The following RUNX1 variants were observed in gnomAD, a reference collection of about 807,000 sequenced individuals.
RUNX1 encodes runt-related transcription factor 1.
A neutral mutation model predicts 42.8 loss-of-function variants in RUNX1; 19 were observed. The ratio of observed to expected loss-of-function variants is 0.44; its 90% CI spans 0.31 to 0.65. RUNX1 has a LOEUF of 0.65. RUNX1 is among the 30% of genes least tolerant of loss of function. RUNX1 has a pLI of 0.07. For synonymous variants in RUNX1, 271 were observed against 289.4 expected (o/e 0.94, Z 0.64); for missense variants, 528 against 672.0 (o/e 0.79, Z 2.37).
chr21:34,873,192 C>G (rs1026818621), intron 5 of RUNX1, among the ~76,000 whole-genome samples: 6 of 152,244 alleles, frequency 3.9e-5, no homozygotes, highest in African/African-American at 1.4e-4. Flanking sequence ...CTTGAGCAAA[C>G]TGGAGTGTTT....
chr21:34,823,430 GTTTTTTTTTTTTTT>G (rs56957776), intron 7 of RUNX1, among the ~76,000 whole-genome samples: 72 of 99,660 alleles, frequency 7.2e-4, no homozygotes, highest in Admixed American at 1.5e-3. Context: ...TTCCTGGTGG[GTTTTTTTTTTTTTT>G]TTTTTTTTTT....
chr21:34,984,420 A>G (rs2058869573), intron 2 of RUNX1, among the ~76,000 whole-genome samples: 2 of 132,302 alleles, frequency 1.5e-5, no homozygotes, highest in Middle Eastern at 7.5e-3. Context: ...AGGGCAGAAA[A>G]AAAACTATAG....
chr21:35,046,503 T>C (rs1038801200), intron 2 of RUNX1, among the ~76,000 whole-genome samples: 1 of 152,204 alleles, frequency 6.6e-6, no homozygotes, highest in African/African-American at 2.4e-5. Context: ...AGTGACCGCA[T>C]TGACCACTGC....
intron 7 of RUNX1, among the ~76,000 whole-genome samples, chr21:34,820,132 C>G (rs1427991794): frequency 1.3e-5 from 2 of 152,236 alleles, no homozygotes; most frequent in Non-Finnish European, 2.9e-5. Context: ...AGGAAGTGAC[C>G]TGTCGGTCTC....
At chr21:34,951,594 G>C (rs1418008501) in intron 2 of RUNX1, among the ~76,000 whole-genome samples, 1 of 150,530 alleles carries the variant, frequency 6.6e-6, no homozygotes, top group Non-Finnish European at 1.5e-5. Flanking sequence ...CTTCCCAAAA[G>C]AAATTTATGC....
chr21:34,934,987 T>C (rs914293521), intron 2 of RUNX1, among the ~76,000 whole-genome samples: 1 of 152,228 alleles, frequency 6.6e-6, no homozygotes, highest in African/African-American at 2.4e-5. Context: ...ACTGCTATTA[T>C]TTTTTCATGT....
chr21:34,867,491 A>G (rs946815991), intron 5 of RUNX1, among the ~76,000 whole-genome samples: 3 of 152,166 alleles, frequency 2.0e-5, no homozygotes, highest in Non-Finnish European at 4.4e-5. Context: ...CCAGTCCTTT[A>G]CAACGTCGAA....
intron 2 of RUNX1, among the ~76,000 whole-genome samples, chr21:35,023,975 A>G (rs2059217995): frequency 6.7e-6 from 1 of 149,864 alleles, no homozygotes; most frequent in Admixed American, 6.7e-5. Context: ...CATATATACT[A>G]TATACTAATT....
intron 2 of RUNX1, among the ~76,000 whole-genome samples, chr21:34,927,910 C>T (rs549052949): frequency 1.7e-4 from 26 of 152,242 alleles, no homozygotes; most frequent in Middle Eastern, 6.8e-3. Context: ...ATATACTGCA[C>T]GTTATAATTG....
intron 2 of RUNX1, among the ~76,000 whole-genome samples, chr21:35,029,627 C>T (rs560656910): frequency 1.8e-4 from 28 of 152,316 alleles, no homozygotes; most frequent in Admixed American, 6.5e-4. Flanking sequence ...ACCTTCACTA[C>T]CATCCCAATC....
At chr21:34,978,562 T>C (rs2146779183) in intron 2 of RUNX1, among the ~76,000 whole-genome samples, 1 of 152,364 alleles carries the variant, frequency 6.6e-6, no homozygotes, top group African/African-American at 2.4e-5. Flanking sequence ...GGGAGACCAT[T>C]ACTTTATTGG....
At chr21:35,047,547 ACACACACACACACACTCT>A (rs757758301) in intron 2 of RUNX1, among the ~76,000 whole-genome samples, 249 of 123,250 alleles carry the variant, frequency 2.0e-3, no homozygotes, top group African/African-American at 7.1e-3. Context: ...ACACACACAC[ACACACACACACACACTCT>A]CTCTCTCTCT....
chr21:34,974,161 C>T (rs896990977), intron 2 of RUNX1, among the ~76,000 whole-genome samples: 2 of 152,106 alleles, frequency 1.3e-5, no homozygotes, highest in Non-Finnish European at 2.9e-5. Flanking sequence ...TGTACTTCTT[C>T]TTGATATGCC....
chr21:34,965,944 G>C lies in RUNX1; in HGVS notation c.59-72981C>G, dbSNP rs147483779. Among the ~76,000 whole-genome samples, 46 of 152,320 alleles carry C rather than the reference G, an allele frequency of 3.0e-4. No individual in the cohort carries two copies. In the East Asian group the frequency reaches 8.9e-3, roughly 29 times the overall value. On this transcript the variant is annotated intron_variant, in intron 2 of 8. Transcript: ENST00000675419. ...TGGGAAAGTAAGCATCCTCACTGCT[G>C]CATGCCAGGACAGGGATGGCTATGT... is the stretch of plus-strand genomic sequence containing the variant.
intron 2 of RUNX1, among the ~76,000 whole-genome samples, chr21:34,948,334 A>T (rs975469021): frequency 6.6e-6 from 1 of 152,050 alleles, no homozygotes; most frequent in Non-Finnish European, 1.5e-5. Context: ...GGATCAGTCC[A>T]TCTCTGCCCC....
At chr21:34,959,993 C>T (rs1469939037) in intron 2 of RUNX1, among the ~76,000 whole-genome samples, 1 of 152,070 alleles carries the variant, frequency 6.6e-6, no homozygotes, top group African/African-American at 2.4e-5. Flanking sequence ...TCAGAGGGCT[C>T]CAGTGGGAAA....
At chr21:34,871,555 C>A (rs1230416220) in intron 5 of RUNX1, among the ~76,000 whole-genome samples, 2 of 152,130 alleles carry the variant, frequency 1.3e-5, no homozygotes, top group Non-Finnish European at 2.9e-5. Flanking sequence ...AGGGGAGTCT[C>A]CCTACGGATT....
chr21:34,900,265 G>A (rs118143904), intron 2 of RUNX1, among the ~76,000 whole-genome samples: 2,247 of 152,044 alleles, frequency 0.015, 31 homozygotes, highest in Middle Eastern at 0.031. Context: ...CATTTATAGC[G>A]CATCTCAATT....
At chr21:34,934,484 T>C (rs148466834) in intron 2 of RUNX1, among the ~76,000 whole-genome samples, 77 of 152,230 alleles carry the variant, frequency 5.1e-4, no homozygotes, top group Middle Eastern at 6.8e-3. Flanking sequence ...GGCTTTGACA[T>C]TCATGTCACA....
Sources: allele counts gnomAD v4.1 joint callset (sites outside exome capture counted in the v4.1 genomes callset), GRCh38; gene constraint gnomAD v4.1.1; transcripts MANE v1.5; gene names NCBI Gene and HGNC (gene_info 2026-07-23, HGNC 2026-07-21).